ADGRA1: variants seen among roughly 807,000 people sequenced by gnomAD.
The protein encoded by ADGRA1 is G-protein coupled receptor 123.
In ADGRA1, 12 loss-of-function variants were observed where a neutral mutation model predicts 21.3. That is an observed-to-expected ratio of 0.56 (90% CI 0.36 to 0.91). The LOEUF (loss-of-function observed/expected upper bound fraction) is 0.91, where lower values mean the gene tolerates loss of function less well. Among genes scored for constraint, ADGRA1 ranks in the 40% least tolerant of loss-of-function variants. The pLI is 0.01. For synonymous variants in ADGRA1, 385 were observed against 368.8 expected (o/e 1.04, Z -0.50); for missense variants, 790 against 805.6 (o/e 0.98, Z 0.23).
At chr10:133,098,843 A>C in intron 4 of ADGRA1, 80 bp downstream of exon 4, 1 of 1,519,238 alleles carries the variant, frequency 6.6e-7, no homozygotes, top group African/African-American at 1.4e-5. Context: ...ATAATATTCC[A>C]GCGTTTGCTC....
At chr10:133,110,173 G>T (rs1010810736) in intron 5 of ADGRA1, among the ~76,000 whole-genome samples, 2 of 152,220 alleles carry the variant, frequency 1.3e-5, no homozygotes, top group African/African-American at 4.8e-5. Flanking sequence ...GACGGCAGGT[G>T]GGGAGGATCC....
intron 4 of ADGRA1, 31 bp downstream of exon 4, chr10:133,098,794 C>A: frequency 6.3e-7 from 1 of 1,595,948 alleles, no homozygotes. Flanking sequence ...GTTGGCTCCT[C>A]CCAGAGGGGA....
Position 133,093,107 on chromosome 10 carries a change from A to T in ADGRA1, c.4-3867A>T, listed in dbSNP as rs143637252. On this transcript the variant is annotated intron_variant, in intron 2 of 6. Coordinates refer to ENST00000392607, the MANE Select transcript of ADGRA1 (RefSeq NM_001083909.3). ...TGGAGCTGCAGACCTAGCCCCGGAC[A>T]CCTCACTGTGCAGGAAAGAAGGTTC... 3.4e-5 allele frequency: 54 copies of T among 1,595,056 alleles called. No individual in the cohort carries two copies. The East Asian group carries it at 1.2e-3, about 34-fold the overall frequency.
At chr10:133,114,890 G>C (rs9419009) in intron 5 of ADGRA1, among the ~76,000 whole-genome samples, 2 of 152,074 alleles carry the variant, frequency 1.3e-5, no homozygotes, top group Non-Finnish European at 2.9e-5. Context: ...CTGAGGCTGC[G>C]GTTTCCTTGG....
In ADGRA1 at chr10:133,130,234, C is replaced by G. The variant is rs1442541281; in HGVS notation, c.*723C>G. On this transcript the variant is annotated 3_prime_UTR_variant, in exon 7 of 7. Transcript: ENST00000392607. ...CACAGATGCTGGGGGCTGCTCTGGA[C>G]TTTGGGGATGGCTGTCAGCCTCAGA... 2 of 152,212 alleles carry G rather than the reference C, an allele frequency of 1.3e-5. No individual in the cohort carries two copies. The highest frequency in any genetic ancestry group is 4.8e-5 in the African/African-American group (2 of 41,450). The allele number at this position is 152,212 out of a possible 1,614,324, so 9.4% of individuals were successfully genotyped here.
At chr10:133,112,865 G>A (rs1333082290) in intron 5 of ADGRA1, among the ~76,000 whole-genome samples, 1 of 147,884 alleles carries the variant, frequency 6.8e-6, no homozygotes, top group Non-Finnish European at 1.5e-5. Context: ...TGCGGGCCAC[G>A]TCGGTTATTT....
In ADGRA1 at chr10:133,096,954, C is replaced by T; in HGVS notation, c.4-20C>T. The T allele has an allele frequency of 6.2e-7, 1 of 1,600,760 alleles. No individual in the cohort carries two copies. Among genetic ancestry groups the T allele is most frequent in the African/African-American group, 1.3e-5 (1 of 74,874 alleles). ...AGACCCACCAGCCAGTCACACACGT[C>T]TCCTTTGCTTTATCCTCAGGATCTG... On this transcript the variant is annotated intron_variant, in intron 2 of 6. Coordinates refer to ENST00000392607, the MANE Select transcript of ADGRA1 (RefSeq NM_001083909.3).
chr10:133,097,612 A>G (rs187848860), intron 3 of ADGRA1, among the ~76,000 whole-genome samples: 130 of 152,206 alleles, frequency 8.5e-4, no homozygotes, highest in Non-Finnish European at 1.5e-3. Context: ...CCACAGTCTC[A>G]TCAGAGACTC....
At chr10:133,105,783 C>T (rs1851884001) in intron 5 of ADGRA1, among the ~76,000 whole-genome samples, 1 of 152,182 alleles carries the variant, frequency 6.6e-6, no homozygotes, top group Admixed American at 6.5e-5. Context: ...AGGGCAAGGT[C>T]AAGGAACAGA....
At chr10:133,127,081 G>T in intron 5 of ADGRA1, 152 bp from the exon 6 acceptor site, 1 of 467,334 alleles carries the variant, frequency 2.1e-6, no homozygotes, top group Non-Finnish European at 3.8e-6. Context: ...AGTGGTCGGG[G>T]GTCGGGGGTC....
intron 2 of ADGRA1, chr10:133,095,875 G>A: frequency 6.9e-7 from 1 of 1,451,878 alleles, no homozygotes; most frequent in Non-Finnish European, 9.2e-7. Flanking sequence ...GGCCCGGCCG[G>A]CTGCCTCCTC....
chr10:133,096,636 G>A (rs1400133321), intron 2 of ADGRA1, among the ~76,000 whole-genome samples: 2 of 152,246 alleles, frequency 1.3e-5, no homozygotes, highest in Admixed American at 6.5e-5. Context: ...CAGGCCACGG[G>A]AAGAGAGGAG....
intron 6 of ADGRA1, among the ~76,000 whole-genome samples, chr10:133,127,556 G>A (rs1449276496): frequency 1.3e-5 from 2 of 152,108 alleles, no homozygotes; most frequent in African/African-American, 4.8e-5. Flanking sequence ...CTTTGGACAA[G>A]GCAGGCCTGG....
In ADGRA1 at chr10:133,129,266, A is replaced by G; in HGVS notation, c.1438A>G (p.Met480Val). The G allele has an allele frequency of 6.5e-7, 1 of 1,549,690 alleles. No individual in the cohort carries two copies. The highest frequency in any genetic ancestry group is 8.7e-7 in the Non-Finnish European group (1 of 1,147,038). ...ACCTQGDPFP[M>V]VTQPEGSDGS... is the part of the protein sequence containing the mutation. ...CTGCACCCAGGGCGACCCCTTCCCC[A>G]TGGTCACCCAGCCCGAGGGCAGTGA... is the stretch of plus-strand genomic sequence containing the variant. Residue 480 changes from methionine (M) to valine (V), a missense_variant, in exon 7 of 7, where the codon ATG becomes GTG. Physicochemically the swap from Met to Val is conservative, Grantham distance 21 (BLOSUM62 1). This residue lies in a region of ADGRA1 where 391 missense variants were observed against 351.5 expected (regional missense o/e 1.11). Transcript: ENST00000392607.
chr10:133,102,581 G>C lies in ADGRA1; in HGVS notation c.256-116G>C, dbSNP rs898497552. 2.4e-6 allele frequency: 3 copies of C among 1,257,784 alleles called. No homozygotes were observed. The African/African-American group carries it at 4.4e-5, about 19-fold the overall frequency. The allele number at this position is 1,257,784 out of a possible 1,614,324, so 77.9% of individuals were successfully genotyped here. The stretch of plus-strand genomic sequence containing the variant: ...CGGCCGCTGCCTGCCCTGGGATACA[G>C]ACGCTGCTGGCCGCCTGCCGTTCTC... On this transcript the variant is annotated intron_variant, in intron 4 of 6. Coordinates refer to ENST00000392607, the MANE Select transcript of ADGRA1 (RefSeq NM_001083909.3).
At chr10:133,124,044 A>G (rs1591188344) in intron 5 of ADGRA1, among the ~76,000 whole-genome samples, 2 of 152,030 alleles carry the variant, frequency 1.3e-5, no homozygotes, top group Admixed American at 6.5e-5. Flanking sequence ...ATGCTCATCT[A>G]CCTGCCCCGG....
rs537761381 is a variant in ADGRA1, at chr10:133,119,341, C to T, written c.402-7892C>T. 1.4e-4 allele frequency among the ~76,000 whole-genome samples: 21 copies of T among 152,026 alleles called. No individual in the cohort carries two copies. The South Asian group carries it at 1.7e-3, about 12-fold the overall frequency. ...AGGGTCTCACTGCGATGTGGATGGC[C>T]GCTGGGGCTGACCAGGGTGGTGGTG... On this transcript the variant is annotated intron_variant, in intron 5 of 6. Coordinates refer to ENST00000392607, the MANE Select transcript of ADGRA1 (RefSeq NM_001083909.3).
In ADGRA1 at chr10:133,101,075, C is replaced by T. The variant is rs567494639; in HGVS notation, c.256-1622C>T. Among the ~76,000 whole-genome samples the T allele has an allele frequency of 1.6e-4, 25 of 152,356 alleles. No individual in the cohort carries two copies. In the South Asian group the frequency reaches 1.9e-3, roughly 11 times the overall value. On this transcript the variant is annotated intron_variant, in intron 4 of 6. Transcript: ENST00000392607. ...TGAGGCCAGGCCAGTTCCGCATTCC[C>T]GCCTCCGGGTAAGGAGGAGAATTCA...
In ADGRA1 at chr10:133,128,800, C is replaced by A; in HGVS notation, c.972C>A (p.Arg324=). Residue 324 remains arginine (R), a synonymous_variant, in exon 7 of 7, where the codon CGC becomes CGA. Coordinates refer to ENST00000392607, the MANE Select transcript of ADGRA1 (RefSeq NM_001083909.3). ...WQCWWACCPP[R]KDAHPALDAN... is the part of the protein sequence containing the mutation. Reference sequence around the variant, plus strand: ...GCTGGTGGGCATGCTGCCCGCCCCGCAAGGACGCCCACCCCGCACTTGACG... The same window carrying A: ...GCTGGTGGGCATGCTGCCCGCCCCGAAAGGACGCCCACCCCGCACTTGACG... 1.2e-6 allele frequency: 2 copies of A among 1,608,410 alleles called. No homozygotes were observed. The highest frequency in any genetic ancestry group is 2.2e-5 in the South Asian group (2 of 90,776).
Sources: allele counts gnomAD v4.1 joint callset (sites outside exome capture counted in the v4.1 genomes callset), GRCh38; gene constraint gnomAD v4.1.1; regional missense constraint gnomAD v4.1.1; transcripts MANE v1.5; gene names NCBI Gene and HGNC (gene_info 2026-07-23, HGNC 2026-07-21).